TNIP1: variants seen among roughly 807,000 people sequenced by gnomAD.
The protein encoded by TNIP1 is TNFAIP3 interacting protein 1, also known as TNFAIP3-interacting protein 1.
In TNIP1, 22 loss-of-function variants were observed where a neutral mutation model predicts 86.6. The ratio of observed to expected loss-of-function variants is 0.25; its 90% confidence interval spans 0.18 to 0.36. TNIP1 has a LOEUF of 0.36. Ranked by LOEUF, TNIP1 falls within the 10% of genes least tolerant of loss-of-function variation. TNIP1 has a pLI of 1.00. For missense variants in TNIP1, 709 were observed against 820.6 expected (o/e 0.86, Z 1.66); for synonymous variants, 294 against 313.0 (o/e 0.94, Z 0.64).
In TNIP1 at chr5:151,059,877, G is replaced by A. The variant is rs977455298; in HGVS notation, c.435+441C>T. On this transcript the variant is annotated intron_variant, in intron 5 of 17. Transcript: ENST00000521591. ...TGTGTGTGTGTGTGTGCGCGCGCGC[G>A]CGCGCATGCGTGTAAGTGGAAAGTT... Among the ~76,000 whole-genome samples, 4 of 108,840 alleles carry A rather than the reference G, an allele frequency of 3.7e-5. No individual in the cohort carries two copies. In the East Asian group the frequency reaches 3.1e-3, roughly 85 times the overall value. 71.4% of individuals were successfully genotyped at this position (108,840 alleles called of 152,430 possible).
chr5:151,072,950 G>A (rs555770011), intron 1 of TNIP1, among the ~76,000 whole-genome samples: 7 of 152,296 alleles, frequency 4.6e-5, no homozygotes, highest in East Asian at 1.9e-4. Context: ...GGCTGGGTGC[G>A]GTGGCTCATG....
upstream of TNIP1, among the ~76,000 whole-genome samples, chr5:151,081,523 C>A (rs1764026751): frequency 6.6e-6 from 1 of 152,184 alleles, no homozygotes. Context: ...TATAGAAATT[C>A]CGAGCTGAAA....
rs11558277 is a variant in TNIP1, at chr5:151,035,614, G to A, written c.1489C>T (p.Leu497=). Reference sequence around the variant, plus strand: ...TTTGACAGGGTGACCTGGGCCTGCAGCTTCTCCACTTGCTTCTTCAGCTCT... The same window carrying A: ...TTTGACAGGGTGACCTGGGCCTGCAACTTCTCCACTTGCTTCTTCAGCTCT... The part of the protein sequence containing the change: ...KEELKKQVEK[L]QAQVTLSNAQ... Residue 497 remains leucine (L), a synonymous_variant, in exon 14 of 18, where the codon CTG becomes TTG. Transcript: ENST00000521591. The A allele has an allele frequency of 3.9e-4, 622 of 1,614,070 alleles. 8 individuals are homozygous for A. Among genetic ancestry groups the A allele is most frequent in the Middle Eastern group, 3.3e-4 (2 of 6,084 alleles).
chr5:151,041,414 A>C (rs1758400304), intron 11 of TNIP1, among the ~76,000 whole-genome samples: 1 of 152,218 alleles, frequency 6.6e-6, no homozygotes, highest in Non-Finnish European at 1.5e-5. Flanking sequence ...TCTGTTGTCC[A>C]GTCTGGAGTG....
intron 9 of TNIP1, among the ~76,000 whole-genome samples, chr5:151,044,605 A>G (rs879864247): frequency 6.6e-6 from 1 of 152,250 alleles, no homozygotes; most frequent in African/African-American, 2.4e-5. Flanking sequence ...ATGCACATCA[A>G]GAAGCTTTCA....
chr5:151,030,800 CA>C, intron 17 of TNIP1, 53 bp from the exon 18 acceptor site: 1 of 1,466,936 alleles, frequency 6.8e-7, no homozygotes, highest in Non-Finnish European at 9.4e-7. Context: ...GAGCGAGTTT[CA>C]AAGTCTCTTA....
intron 14 of TNIP1, 124 bp downstream of exon 14, chr5:151,035,455 TATG>T: frequency 2.8e-6 from 4 of 1,410,020 alleles, no homozygotes; most frequent in Non-Finnish European, 3.9e-6. Flanking sequence ...CGAGCTCAAA[TATG>T]ATTGCAGAGC....
intron 1 of TNIP1, among the ~76,000 whole-genome samples, chr5:151,077,592 A>G (rs1763531770): frequency 6.6e-6 from 1 of 152,168 alleles, no homozygotes. Context: ...CAGACACGGC[A>G]CCTACCCAGG....
chr5:151,049,568 G>A (rs77013900), intron 8 of TNIP1, among the ~76,000 whole-genome samples: 2,903 of 152,294 alleles, frequency 0.019, 41 homozygotes, highest in Non-Finnish European at 0.032. Flanking sequence ...CACCTTCTAT[G>A]AGCAATGGCT....
intron 8 of TNIP1, among the ~76,000 whole-genome samples, chr5:151,048,508 G>A (rs1759476683): frequency 6.6e-6 from 1 of 152,160 alleles, no homozygotes; most frequent in African/African-American, 2.4e-5. Context: ...CAATTCCAAG[G>A]CACACTCGTC....
At position 151,042,627 on chromosome 5, in the gene TNIP1, C is replaced by G; in HGVS notation, c.1047G>C (p.Val349=). 6.2e-7 allele frequency: 1 copy of G among 1,614,044 alleles called. No homozygotes were observed. The highest frequency in any genetic ancestry group is 1.1e-5 in the South Asian group (1 of 91,072). ...RQKLADLQKQ[V]TDLEAEREQK... The stretch of plus-strand genomic sequence containing the variant: ...GCTCCCGCTCGGCCTCCAGGTCAGT[C>G]ACCTGCTTCTGCAAATCAGCCAGCT... Residue 349 remains valine (V), a synonymous_variant, in exon 11 of 18, where the codon GTG becomes GTC. Coordinates refer to ENST00000521591, the MANE Select transcript of TNIP1 (RefSeq NM_006058.5).
At chr5:151,065,273 T>C in intron 1 of TNIP1, 142 bp from the exon 2 acceptor site, 2 of 669,664 alleles carry the variant, frequency 3.0e-6, no homozygotes, top group Non-Finnish European at 5.0e-6. Context: ...AGCAGGACAG[T>C]CACCTCCTTT....
intron 5 of TNIP1, among the ~76,000 whole-genome samples, chr5:151,057,480 C>G (rs1030268637): frequency 6.6e-6 from 1 of 152,234 alleles, no homozygotes; most frequent in Non-Finnish European, 1.5e-5. Context: ...AATCCCACCA[C>G]TTTGGGAGGC....
intron 1 of TNIP1, among the ~76,000 whole-genome samples, chr5:151,070,243 C>T (rs1310829501): frequency 1.3e-5 from 2 of 152,242 alleles, no homozygotes; most frequent in Non-Finnish European, 2.9e-5. Context: ...TCCTGATTAT[C>T]TGATTTAACA....
chr5:151,043,955 T>C (rs776168994), intron 9 of TNIP1, among the ~76,000 whole-genome samples: 17 of 151,960 alleles, frequency 1.1e-4, no homozygotes, highest in Non-Finnish European at 2.2e-4. Flanking sequence ...CCTTAAGATA[T>C]GTCATAAGGA....
chr5:151,049,667 G>A (rs1349468442), intron 8 of TNIP1, among the ~76,000 whole-genome samples, 157 bp downstream of exon 8: 1 of 152,076 alleles, frequency 6.6e-6, no homozygotes. Context: ...TAAGCATGGA[G>A]GTCAGGCCAA....
intron 12 of TNIP1, 99 bp downstream of exon 12, chr5:151,038,998 C>T: frequency 6.8e-7 from 1 of 1,477,388 alleles, no homozygotes. Context: ...CTGGGGGTTA[C>T]CCTTCCTAAG....
At chr5:151,048,922 T>C (rs1459178980) in intron 8 of TNIP1, among the ~76,000 whole-genome samples, 1 of 152,196 alleles carries the variant, frequency 6.6e-6, no homozygotes, top group Non-Finnish European at 1.5e-5. Context: ...CCTGATTATA[T>C]GATGTTACTT....
chr5:151,038,458 A>C (rs556972337), intron 12 of TNIP1, among the ~76,000 whole-genome samples: 2 of 152,100 alleles, frequency 1.3e-5, no homozygotes, highest in Non-Finnish European at 2.9e-5. Context: ...TGAACTGGAG[A>C]GGCTGGAGAG....
Sources: gnomAD v4.1 joint callset for allele counts (sites outside exome capture counted in the v4.1 genomes callset) on GRCh38, gnomAD v4.1.1 for gene constraint, MANE v1.5 for transcripts, NCBI Gene and HGNC (gene_info 2026-07-23, HGNC 2026-07-21) for gene names.